SNED1: variants seen among roughly 807,000 people sequenced by gnomAD.
The protein encoded by SNED1 is sushi, nidogen and EGF like domains 1.
SNED1 carries 81 observed loss-of-function variants against 166.7 expected under a neutral mutation model. The ratio of observed to expected loss-of-function variants is 0.49; its 90% CI spans 0.41 to 0.58. The LOEUF (loss-of-function observed/expected upper bound fraction) is 0.58. SNED1 is among the 20% of genes least tolerant of loss of function. SNED1 has a pLI of 0.00. For missense variants in SNED1, 1,604 were observed against 2,000.2 expected (o/e 0.80, Z 3.78); for synonymous variants, 762 against 822.0 (o/e 0.93, Z 1.25).
At position 241,094,380 on chromosome 2, in the gene SNED1, C is replaced by G. The variant is rs1444756099; in HGVS notation, c.*2744C>G. ...TGGACGGAGTCACCGAGCTGCTTTT[C>G]TTTTGCAAAACAAAAGTCTTTTTCT... On this transcript the variant is annotated 3_prime_UTR_variant, in exon 32 of 32. Coordinates refer to ENST00000310397, the MANE Select transcript of SNED1 (RefSeq NM_001080437.3). The surrounding 1 kb of genome is among the most constrained non-coding windows in gnomAD (Gnocchi z 4.3). 6 of 470,928 alleles carry G rather than the reference C, an allele frequency of 1.3e-5. No individual in the cohort carries two copies. Among genetic ancestry groups the G allele is most frequent in the African/African-American group, 4.0e-5 (2 of 50,028 alleles). 29.2% of individuals were successfully genotyped at this position (470,928 alleles called of 1,614,324 possible). A position where few individuals can be genotyped will look rare whatever the true frequency, so the allele number is the denominator to read the frequency against.
intron 29 of SNED1, among the ~76,000 whole-genome samples, chr2:241,086,245 GTTC>G (rs2063568955): frequency 6.6e-6 from 1 of 152,312 alleles, no homozygotes; most frequent in East Asian, 1.9e-4. Context: ...CTCCTCAGTA[GTTC>G]TTCTTTGCCT....
chr2:241,084,571 A>G (rs1401629830), intron 29 of SNED1, among the ~76,000 whole-genome samples: 5 of 152,110 alleles, frequency 3.3e-5, no homozygotes, highest in African/African-American at 9.7e-5. Flanking sequence ...CTTCCCTCCC[A>G]TCCTTTGAAT....
intron 6 of SNED1, among the ~76,000 whole-genome samples, chr2:241,037,710 C>A (rs1430288241): frequency 6.6e-6 from 1 of 152,246 alleles, no homozygotes; most frequent in Non-Finnish European, 1.5e-5. Flanking sequence ...GGCCGTCAGA[C>A]CCCCTCTCAG....
At chr2:241,012,668 A>G (rs1173794932) in intron 1 of SNED1, among the ~76,000 whole-genome samples, 1 of 152,222 alleles carries the variant, frequency 6.6e-6, no homozygotes, top group Non-Finnish European at 1.5e-5. Flanking sequence ...GTGTGATTTA[A>G]TATACCTACA....
At position 240,999,912 on chromosome 2, in the gene SNED1, G is replaced by T. The variant is rs1379883991; in HGVS notation, c.213+862G>T. Among the ~76,000 whole-genome samples the T allele has an allele frequency of 6.6e-6, 1 of 152,100 alleles. No homozygotes were observed. The highest frequency in any genetic ancestry group is 1.5e-5 in the Non-Finnish European group (1 of 68,006). ...CACCCCAGATCATATCTAGAAAACT[G>T]CTGGGCCAGCCTCAAGTAGAGTCCC... On this transcript the variant is annotated intron_variant, in intron 1 of 31. Transcript: ENST00000310397. The surrounding 1 kb of genome is among the most constrained non-coding windows in gnomAD (Gnocchi z 5.8).
At chr2:241,081,387 CTCTCCCTCCTCCT>C (rs1402811336) in intron 27 of SNED1, among the ~76,000 whole-genome samples, 1 of 152,188 alleles carries the variant, frequency 6.6e-6, no homozygotes, top group Non-Finnish European at 1.5e-5. Context: ...TCCTCCCTCC[CTCTCCCTCCTCCT>C]TCTCCTCCTC....
intron 1 of SNED1, chr2:241,010,849 G>A (rs1419690363): frequency 6.5e-6 from 1 of 152,862 alleles, no homozygotes; most frequent in Non-Finnish European, 1.5e-5. Flanking sequence ...TGGCTGGGAG[G>A]AGAGCGATGC....
Position 241,068,920 on chromosome 2 carries a change from G to T in SNED1, c.3204G>T (p.Leu1068=), listed in dbSNP as rs900464693. ...SVDRFTFRAL[L]PGKRYTIQLT... ...CACCTCCTGCCCACAGGGCCCTGCT[G>T]CCTGGGAAGAGGTACACCATCCAGC... Residue 1068 remains leucine (L), a synonymous_variant, in exon 23 of 32, where the codon CTG becomes CTT. Transcript: ENST00000310397. The surrounding 1 kb of genome is among the most constrained non-coding windows in gnomAD (Gnocchi z 5.3). 3 of 1,551,212 alleles carry T rather than the reference G, an allele frequency of 1.9e-6. No individual in the cohort carries two copies. The highest frequency in any genetic ancestry group is 2.7e-5 in the African/African-American group (2 of 73,070).
At position 241,064,478 on chromosome 2, in the gene SNED1, A is replaced by G. The variant is rs758918970; in HGVS notation, c.2599+353A>G. 6.6e-6 allele frequency among the ~76,000 whole-genome samples: 1 copy of G among 152,052 alleles called. No homozygotes were observed. The highest frequency in any genetic ancestry group is 1.5e-5 in the Non-Finnish European group (1 of 67,992). ...AGGTCTGGCCCCTGGCTGTCCTTCC[A>G]TCTGGAACATTCTCCCTAATCAGCC... On this transcript the variant is annotated intron_variant, in intron 19 of 31. Coordinates refer to ENST00000310397, the MANE Select transcript of SNED1 (RefSeq NM_001080437.3). The surrounding 1 kb of genome is among the most constrained non-coding windows in gnomAD (Gnocchi z 7.0).
At chr2:241,019,278 C>T (rs1474293560) in intron 1 of SNED1, among the ~76,000 whole-genome samples, 1 of 152,150 alleles carries the variant, frequency 6.6e-6, no homozygotes, top group Non-Finnish European at 1.5e-5. Flanking sequence ...TTGAAAATGC[C>T]AGGAGCCTGT....
chr2:241,087,982 C>G, intron 30 of SNED1: 1 of 397,740 alleles, frequency 2.5e-6, no homozygotes. Flanking sequence ...AGTAGCCACA[C>G]GTACTTGTTT....
In SNED1 at chr2:241,069,661, C is replaced by T. The variant is rs923709860; in HGVS notation, c.3308-259C>T. Among the ~76,000 whole-genome samples, 2 of 152,068 alleles carry T rather than the reference C, an allele frequency of 1.3e-5. No individual in the cohort carries two copies. The highest frequency in any genetic ancestry group is 2.9e-5 in the Non-Finnish European group (2 of 68,002). ...GTGCCGCAGGGAGGGCGCCAGCTGACGGGCCAGGGCCTGGGGGCTTCACAG... is the reference window on the plus strand; with the variant it reads ...GTGCCGCAGGGAGGGCGCCAGCTGATGGGCCAGGGCCTGGGGGCTTCACAG... On this transcript the variant is annotated intron_variant, in intron 23 of 31. Coordinates refer to ENST00000310397, the MANE Select transcript of SNED1 (RefSeq NM_001080437.3). The surrounding 1 kb of genome is among the most constrained non-coding windows in gnomAD (Gnocchi z 4.9).
chr2:241,034,241 A>T (rs1044497203), intron 3 of SNED1, among the ~76,000 whole-genome samples: 3 of 152,216 alleles, frequency 2.0e-5, no homozygotes, highest in African/African-American at 7.2e-5. Flanking sequence ...AAACAGGACA[A>T]TGGCCACAGG....
chr2:241,039,211 C>T (rs192067403), intron 6 of SNED1, among the ~76,000 whole-genome samples: 1 of 152,282 alleles, frequency 6.6e-6, no homozygotes, highest in Admixed American at 6.5e-5. Flanking sequence ...TGCTCCTCCA[C>T]CTAGCGGAGT....
intron 1 of SNED1, among the ~76,000 whole-genome samples, chr2:241,024,264 T>A (rs201255226): frequency 6.0e-4 from 73 of 121,822 alleles, no homozygotes; most frequent in African/African-American, 1.2e-3. Context: ...TTTTTTTTTT[T>A]AGACAGAGTC....
chr2:241,094,551 C>T lies in SNED1; in HGVS notation c.*2915C>T, dbSNP rs1254315052. On this transcript the variant is annotated 3_prime_UTR_variant, in exon 32 of 32. Coordinates refer to ENST00000310397, the MANE Select transcript of SNED1 (RefSeq NM_001080437.3). The surrounding 1 kb of genome is among the most constrained non-coding windows in gnomAD (Gnocchi z 4.3). ...AGGAACCCGGCTGAAAAACCAGCTC[C>T]TTATTTTTCTTTTAAATAAAATAAT... 2 of 365,674 alleles carry T rather than the reference C, an allele frequency of 5.5e-6. No homozygotes were observed. Among genetic ancestry groups the T allele is most frequent in the Non-Finnish European group, 1.1e-5 (2 of 183,132 alleles). 22.7% of individuals were successfully genotyped at this position (365,674 alleles called of 1,614,324 possible).
chr2:241,052,986 C>T lies in SNED1; in HGVS notation c.2084-167C>T, dbSNP rs138722692. Among the ~76,000 whole-genome samples, 404 of 152,258 alleles carry T rather than the reference C, an allele frequency of 2.7e-3. 4 individuals carry two copies. The highest frequency in any genetic ancestry group is 9.3e-3 in the African/African-American group (385 of 41,540). On this transcript the variant is annotated intron_variant, in intron 15 of 31. Transcript: ENST00000310397. Reference sequence around the variant, plus strand: ...CAAGGCAGGAATGGGAAGAAGGAAACGTATCACGGCAACCAGGCCCCAGAA... The same window carrying T: ...CAAGGCAGGAATGGGAAGAAGGAAATGTATCACGGCAACCAGGCCCCAGAA...
chr2:241,072,334 C>G (rs1447579953), intron 26 of SNED1: 5 of 405,516 alleles, frequency 1.2e-5, no homozygotes, highest in African/African-American at 4.1e-5. Flanking sequence ...GGCTGATGGG[C>G]CCAGGTGCCT....
At chr2:241,052,751 G>A (rs28682312) in intron 15 of SNED1, among the ~76,000 whole-genome samples, 18 of 87,804 alleles carry the variant, frequency 2.1e-4, no homozygotes, top group East Asian at 7.5e-4. Flanking sequence ...TGAGAGGGCC[G>A]GGGGGCCAAG....
Sources: gnomAD v4.1 joint callset for allele counts (sites outside exome capture counted in the v4.1 genomes callset) on GRCh38, gnomAD v4.1.1 for gene constraint, Gnocchi (gnomAD v3.1) non-coding constraint, MANE v1.5 for transcripts, NCBI Gene and HGNC (gene_info 2026-07-23, HGNC 2026-07-21) for gene names.